Variants in ZNF385D observed in about 807,000 individuals in gnomAD.
The protein encoded by ZNF385D is zinc finger protein 659.
In ZNF385D, 15 loss-of-function variants were observed where a neutral mutation model predicts 35.8. The ratio of observed to expected loss-of-function variants is 0.42; its 90% CI spans 0.28 to 0.64. ZNF385D has a LOEUF of 0.64. ZNF385D is among the 30% of genes least tolerant of loss of function. The pLI is 0.23. For missense variants in ZNF385D, 474 were observed against 494.6 expected (o/e 0.96, Z 0.39); for synonymous variants, 212 against 186.8 (o/e 1.13, Z -1.10).
rs758372821 is a variant in ZNF385D, at chr3:21,437,130, A to C, written c.513T>G (p.Thr171=). 6.2e-7 allele frequency: 1 copy of C among 1,613,924 alleles called. No homozygotes were observed. The highest frequency in any genetic ancestry group is 8.5e-7 in the Non-Finnish European group (1 of 1,179,894). ...VEIRKSSVMT[T]EITSKVEKSP... ...TTTTTTCCACTTTAGAGGTGATCTC[A>C]GTTGTCATAACACTGCTTTTGCGGA... The change falls in exon 5 of 8, where the codon ACT becomes ACG. Residue 171 remains threonine (T), a synonymous_variant. Transcript: ENST00000281523.
At chr3:21,511,624 A>T (rs540730931) in intron 3 of ZNF385D, 57 of 450,454 alleles carry the variant, frequency 1.3e-4, no homozygotes, top group South Asian at 8.8e-4. Context: ...CTTCTTACCA[A>T]GGGTAGTCTG....
At chr3:21,734,864 G>A (rs942148326) in intron 1 of ZNF385D, among the ~76,000 whole-genome samples, 11 of 152,124 alleles carry the variant, frequency 7.2e-5, no homozygotes, top group Admixed American at 2.0e-4. Flanking sequence ...ATCAAGTCAG[G>A]AAACTCATTA....
chr3:22,141,208 TACA>T (rs1241397951), intron 3 of ZNF385D, among the ~76,000 whole-genome samples: 1 of 152,148 alleles, frequency 6.6e-6, no homozygotes, highest in Non-Finnish European at 1.5e-5. Flanking sequence ...ATGCCGAATG[TACA>T]ACAATAAAGA....
intron 3 of ZNF385D, among the ~76,000 whole-genome samples, chr3:21,871,986 G>A (rs1024902505): frequency 4.0e-5 from 6 of 151,670 alleles, no homozygotes; most frequent in Admixed American, 2.0e-4. Flanking sequence ...AACAAAGAGC[G>A]AAACTCTGTC....
At chr3:21,547,943 G>C (rs2062434915) in intron 3 of ZNF385D, among the ~76,000 whole-genome samples, 1 of 152,092 alleles carries the variant, frequency 6.6e-6, no homozygotes, top group African/African-American at 2.4e-5. Flanking sequence ...GAATGAGACA[G>C]CCAGGTGGGA....
intron 3 of ZNF385D, among the ~76,000 whole-genome samples, chr3:22,029,333 T>A (rs150130368): frequency 1.1e-4 from 16 of 152,320 alleles, no homozygotes; most frequent in African/African-American, 3.8e-4. Flanking sequence ...TCTCATAGTA[T>A]GACCATGCCC....
chr3:22,283,080 A>C (rs1323311659), intron 2 of ZNF385D, among the ~76,000 whole-genome samples: 2 of 152,150 alleles, frequency 1.3e-5, no homozygotes, highest in African/African-American at 4.8e-5. Context: ...CAGTTAAAAA[A>C]GACAAAGAGG....
chr3:21,640,125 A>C (rs1213617934), intron 2 of ZNF385D, among the ~76,000 whole-genome samples: 1 of 151,956 alleles, frequency 6.6e-6, no homozygotes, highest in East Asian at 1.9e-4. Flanking sequence ...AGTCTTTGAG[A>C]AATAAAGAAG....
chr3:21,993,514 C>A (rs1695273583), intron 3 of ZNF385D, among the ~76,000 whole-genome samples: 1 of 152,182 alleles, frequency 6.6e-6, no homozygotes, highest in African/African-American at 2.4e-5. Context: ...CAAAAACATA[C>A]TGATTCTGGA....
At chr3:21,564,924 G>GTT (rs2063089492) in intron 2 of ZNF385D, among the ~76,000 whole-genome samples, 1 of 152,044 alleles carries the variant, frequency 6.6e-6, no homozygotes, top group Non-Finnish European at 1.5e-5. Flanking sequence ...CATACTAACT[G>GTT]TTTTTCTCAT....
chr3:22,247,923 T>C (rs1029601802), intron 2 of ZNF385D, among the ~76,000 whole-genome samples: 12 of 152,050 alleles, frequency 7.9e-5, no homozygotes, highest in Non-Finnish European at 1.3e-4. Flanking sequence ...AATATGACAG[T>C]TTGCAAGGCA....
intron 3 of ZNF385D, among the ~76,000 whole-genome samples, chr3:21,532,750 C>T (rs1316417386): frequency 1.3e-5 from 2 of 151,348 alleles, no homozygotes; most frequent in Non-Finnish European, 1.5e-5. Flanking sequence ...TTATCTCTCA[C>T]CAATTCATTT....
intron 3 of ZNF385D, among the ~76,000 whole-genome samples, chr3:21,527,422 C>G (rs929157954): frequency 6.6e-6 from 1 of 152,042 alleles, no homozygotes; most frequent in Non-Finnish European, 1.5e-5. Flanking sequence ...TTTATATACC[C>G]AACATAATTC....
chr3:21,867,884 G>A (rs1315876137), intron 3 of ZNF385D, among the ~76,000 whole-genome samples: 2 of 152,020 alleles, frequency 1.3e-5, no homozygotes, highest in Admixed American at 1.3e-4. Flanking sequence ...TGTGGCTGGT[G>A]CACCTCAGAA....
chr3:22,178,006 C>T (rs563763277), intron 2 of ZNF385D, among the ~76,000 whole-genome samples: 2 of 152,150 alleles, frequency 1.3e-5, no homozygotes, highest in South Asian at 2.1e-4. Flanking sequence ...TGGGTTGGTT[C>T]CAAGTCTTTG....
At chr3:22,137,717 T>C (rs1313653645) in intron 3 of ZNF385D, among the ~76,000 whole-genome samples, 2 of 152,160 alleles carry the variant, frequency 1.3e-5, no homozygotes, top group African/African-American at 4.8e-5. Context: ...AATATCATAC[T>C]GAATGGACAA....
At chr3:21,612,787 T>C (rs1051660493) in intron 2 of ZNF385D, among the ~76,000 whole-genome samples, 1 of 152,184 alleles carries the variant, frequency 6.6e-6, no homozygotes, top group African/African-American at 2.4e-5. Context: ...ATTTTTCTTC[T>C]TTCATAAAAG....
chr3:22,007,707 GT>G (rs1417109119), intron 3 of ZNF385D, among the ~76,000 whole-genome samples: 1 of 151,992 alleles, frequency 6.6e-6, no homozygotes, highest in Non-Finnish European at 1.5e-5. Context: ...ATTCAGTATA[GT>G]TTTAGTTTAC....
chr3:22,199,983 CA>C (rs759346892), intron 2 of ZNF385D, among the ~76,000 whole-genome samples: 1 of 151,804 alleles, frequency 6.6e-6, no homozygotes, highest in East Asian at 1.9e-4. Flanking sequence ...ATTTAATCAT[CA>C]AAAAAACTAT....
Sources: allele counts gnomAD v4.1 joint callset (sites outside exome capture counted in the v4.1 genomes callset), GRCh38; gene constraint gnomAD v4.1.1; transcripts MANE v1.5; gene names NCBI Gene and HGNC (gene_info 2026-07-23, HGNC 2026-07-21).